Variants in PEAK3 observed in about 807,000 individuals in gnomAD.
PEAK3 encodes the protein PEAK family member 3.
Under a neutral mutation model 13.3 loss-of-function variants are expected in PEAK3, and 15 were observed. The ratio of observed to expected loss-of-function variants is 1.13; its 90% CI spans 0.75 to 1.73. The LOEUF is 1.73. Among genes scored for constraint, PEAK3 ranks in the 40% most tolerant of loss-of-function variants. The probability of loss-of-function intolerance (pLI) is 0.00; values close to 1 mark genes in which losing one functional copy is unlikely to be tolerated. For missense variants in PEAK3, 739 were observed against 690.2 expected (o/e 1.07, Z -0.79); for synonymous variants, 347 against 341.9 (o/e 1.01, Z -0.17).
At position 2,279,014 on chromosome 19, in the gene PEAK3, T is replaced by C. The variant is rs747667042; in HGVS notation, c.182A>G (p.Lys61Arg). The change falls in exon 3 of 4, where the codon AAG becomes AGG. Residue 61 changes from lysine (K) to arginine (R), a missense_variant. Coordinates refer to ENST00000342063, the MANE Select transcript of PEAK3 (RefSeq NM_198532.3). ...TGACTGGGTCCGGGTTAGGATCTTC[T>C]TGGGCAGGGGTGGGGGCAGGGGCTC... is the stretch of plus-strand genomic sequence containing the variant. Reference protein sequence around the residue: ...NPEPLPPPLPKKILTRTQSLP... With the variant: ...NPEPLPPPLPRKILTRTQSLP... The C allele has an allele frequency of 1.3e-6, 2 of 1,556,866 alleles. No homozygotes were observed. The highest frequency in any genetic ancestry group is 1.7e-6 in the Non-Finnish European group (2 of 1,145,118).
rs536255106 is a variant in PEAK3, at chr19:2,276,062, G to A, written c.1040C>T (p.Pro347Leu). Residue 347 changes from proline to leucine, a missense_variant, in exon 4 of 4, where the codon CCC becomes CTC. Pro to Leu is a moderately conservative substitution (Grantham distance 98). Transcript: ENST00000342063. ...QPPGPPGSPG[P>L]HAPQLGSLLR... is the part of the protein sequence containing the mutation. Reference sequence around the variant, plus strand: ...GAGGCTGCCCAGCTGCGGCGCGTGGGGGCCCGGGGATCCCGGGGGTCCAGG... The same window carrying A: ...GAGGCTGCCCAGCTGCGGCGCGTGGAGGCCCGGGGATCCCGGGGGTCCAGG... The A allele has an allele frequency of 6.2e-6, 9 of 1,453,760 alleles. No individual in the cohort carries two copies. The African/African-American group carries it at 8.8e-5, about 14-fold the overall frequency. The allele number at this position is 1,453,760 out of a possible 1,614,324, so 90.1% of individuals were successfully genotyped here.
Position 2,279,104 on chromosome 19 carries a change from C to T in PEAK3, c.92G>A (p.Arg31His), listed in dbSNP as rs912412078. ...GGCCTTGGAGGGCAGCAGGTGGGCA[C>T]GGATCTGACCTGCAGGGAGAGACAG... is the stretch of plus-strand genomic sequence containing the variant. The part of the protein sequence containing the change: ...QPTYSNLGQI[R>H]AHLLPSKACR... The change falls in exon 3 of 4, where the codon CGT becomes CAT. Residue 31 changes from arginine to histidine, a missense_variant. Arg to His is a conservative substitution (Grantham distance 29). Coordinates refer to ENST00000342063, the MANE Select transcript of PEAK3 (RefSeq NM_198532.3). The T allele has an allele frequency of 1.9e-5, 27 of 1,444,710 alleles. No homozygotes were observed. Among genetic ancestry groups the T allele is most frequent in the South Asian group, 4.4e-5 (3 of 67,582 alleles). The allele number at this position is 1,444,710 out of a possible 1,614,324, so 89.5% of individuals were successfully genotyped here.
chr19:2,279,176 C>G (rs1343005479), intron 2 of PEAK3, 63 bp from the exon 3 acceptor site: 5 of 1,291,240 alleles, frequency 3.9e-6, no homozygotes, highest in Non-Finnish European at 5.0e-6. Flanking sequence ...ACACGTGACT[C>G]CACCTCTCAG....
chr19:2,277,324 A>C (rs888044981), intron 3 of PEAK3, among the ~76,000 whole-genome samples: 2 of 151,928 alleles, frequency 1.3e-5, no homozygotes, highest in African/African-American at 4.8e-5. Flanking sequence ...TGGGATAACG[A>C]GTGAGTTCTC....
rs774880995 is a variant in PEAK3 at position 2,276,474 on chromosome 19, C to T, written c.628G>A (p.Ala210Thr). The stretch of plus-strand genomic sequence containing the variant: ...AGGCCCCACGGGTGGGGCACGTCCG[C>T]CCCGGGCTTGGGCACCTGCAAGGCA... ...ILVAKVPKPG[A>T]DVPHPWGLEL... The change falls in exon 4 of 4, where the codon GCG becomes ACG. Residue 210 changes from alanine (A) to threonine (T), a missense_variant. Coordinates refer to ENST00000342063, the MANE Select transcript of PEAK3 (RefSeq NM_198532.3). 6.5e-7 allele frequency: 1 copy of T among 1,545,218 alleles called. No homozygotes were observed. Among genetic ancestry groups the T allele is most frequent in the South Asian group, 1.2e-5 (1 of 84,482 alleles).
chr19:2,280,750 GGCAACCTCCTGCCGCTCCCT>G, intron 2 of PEAK3, 80 bp downstream of exon 2: 1 of 942,030 alleles, frequency 1.1e-6, no homozygotes, highest in South Asian at 1.5e-5. Context: ...CATGGTGCCC[GGCAACCTCCTGCCGCTCCCT>G]GCACCCACCT....
intron 3 of PEAK3, 51 bp from the exon 4 acceptor site, chr19:2,276,540 C>T (rs1035663199): frequency 5.6e-6 from 8 of 1,416,178 alleles, no homozygotes; most frequent in Admixed American, 2.7e-5. Context: ...CCCCCACAAG[C>T]ACCGCCTGCC....
At position 2,276,156 on chromosome 19, in the gene PEAK3, G is replaced by C; in HGVS notation, c.946C>G (p.Arg316Gly). The C allele has an allele frequency of 6.5e-7, 1 of 1,545,778 alleles. No individual in the cohort carries two copies. Residue 316 changes from arginine (R) to glycine (G), a missense_variant, in exon 4 of 4, where the codon CGG (arginine) becomes GGG (glycine). Coordinates refer to ENST00000342063, the MANE Select transcript of PEAK3 (RefSeq NM_198532.3). Reference sequence around the variant, plus strand: ...GGGGGCCCCGTCGTCGCACAGCCCCGAGGTGCCACCAGCAGCAAGTTCTCC... The same window carrying C: ...GGGGGCCCCGTCGTCGCACAGCCCCCAGGTGCCACCAGCAGCAAGTTCTCC... Reference protein sequence around the residue: ...RPENLLLVAPRGCATTGPPRL... With the variant: ...RPENLLLVAPGGCATTGPPRL...
intron 3 of PEAK3, among the ~76,000 whole-genome samples, 192 bp downstream of exon 3, chr19:2,278,392 C>G (rs34658798): frequency 0.18 from 22,472 of 128,140 alleles, 1,959 homozygotes; most frequent in East Asian, 0.44. Flanking sequence ...AACTCCTGAC[C>G]TCAGCTGATC....
Position 2,279,106 on chromosome 19 carries a change from G to C in PEAK3, c.90C>G (p.Ile30Met). 6.9e-7 allele frequency: 1 copy of C among 1,446,472 alleles called. No homozygotes were observed. Among genetic ancestry groups the C allele is most frequent in the East Asian group, 2.5e-5 (1 of 40,094 alleles). The allele number at this position is 1,446,472 out of a possible 1,614,324, so 89.6% of individuals were successfully genotyped here. The change falls in exon 3 of 4, where the codon ATC (isoleucine) becomes ATG (methionine). Residue 30 changes from isoleucine (I) to methionine (M), a missense_variant. By Grantham distance (10) the Ile-to-Met change is conservative. Transcript: ENST00000342063. ...TQPTYSNLGQ[I>M]RAHLLPSKAC... ...CCTTGGAGGGCAGCAGGTGGGCACG[G>C]ATCTGACCTGCAGGGAGAGACAGTG...
rs1229117582 is a variant in PEAK3, at chr19:2,276,362, C to A, written c.740G>T (p.Trp247Leu). The A allele has an allele frequency of 6.3e-7, 1 of 1,599,678 alleles. No individual in the cohort carries two copies. The highest frequency in any genetic ancestry group is 8.5e-7 in the Non-Finnish European group (1 of 1,178,854). ...VPEGTLPGAP[W>L]RGAVALAAEV... ...GGCTGCCAGCGCCACTGCGCCTCTC[C>A]AGGGCGCCCCGGGCAGTGTGCCTTC... Residue 247 changes from tryptophan (W) to leucine (L), a missense_variant, in exon 4 of 4, where the codon TGG becomes TTG. Coordinates refer to ENST00000342063, the MANE Select transcript of PEAK3 (RefSeq NM_198532.3).
intron 2 of PEAK3, 37 bp from the exon 3 acceptor site, chr19:2,279,150 G>A: frequency 2.9e-6 from 4 of 1,387,222 alleles, no homozygotes; most frequent in Non-Finnish European, 3.8e-6. Flanking sequence ...TTGAGGACAG[G>A]CGGAGTGGGA....
At chr19:2,276,796 C>T (rs1451503883) in intron 3 of PEAK3, among the ~76,000 whole-genome samples, 2 of 152,076 alleles carry the variant, frequency 1.3e-5, no homozygotes, top group Non-Finnish European at 2.9e-5. Context: ...AGGGGGATCG[C>T]TGAGGTCAGG....
chr19:2,279,002 G>T lies in PEAK3; in HGVS notation c.194C>A (p.Thr65Asn). 1.7e-5 allele frequency: 26 copies of T among 1,562,718 alleles called. No homozygotes were observed. The highest frequency in any genetic ancestry group is 2.3e-5 in the Non-Finnish European group (26 of 1,147,916). The change falls in exon 3 of 4, where the codon ACC becomes AAC. Residue 65 changes from threonine to asparagine, a missense_variant. Thr to Asn is a moderately conservative substitution (Grantham distance 65). Coordinates refer to ENST00000342063, the MANE Select transcript of PEAK3 (RefSeq NM_198532.3). ...GCGGGTGGGCAGTGACTGGGTCCGG[G>T]TTAGGATCTTCTTGGGCAGGGGTGG... ...LPPPLPKKILTRTQSLPTRRT... is the reference protein window; with the variant it reads ...LPPPLPKKILNRTQSLPTRRT...
intron 3 of PEAK3, among the ~76,000 whole-genome samples, chr19:2,277,773 G>T (rs925599753): frequency 6.6e-6 from 1 of 151,456 alleles, no homozygotes; most frequent in Admixed American, 6.6e-5. Flanking sequence ...CACTATGTTG[G>T]CCAGGCTGGT....
Position 2,275,647 on chromosome 19 carries a change from G to T in PEAK3, c.*33C>A, listed in dbSNP as rs2025377809. On this transcript the variant is annotated 3_prime_UTR_variant, in exon 4 of 4. Coordinates refer to ENST00000342063, the MANE Select transcript of PEAK3 (RefSeq NM_198532.3). ...AGCCCCAGCCCTGCCTCCTGGGCAG[G>T]CCTGGACCAGGTGTGTTCGCCCTGG... 1 of 1,398,274 alleles carries T rather than the reference G, an allele frequency of 7.2e-7. No homozygotes were observed. The highest frequency in any genetic ancestry group is 2.9e-5 in the East Asian group (1 of 34,278). The allele number at this position is 1,398,274 out of a possible 1,614,324, so 86.6% of individuals were successfully genotyped here.
Position 2,275,641 on chromosome 19 carries a change from G to A in PEAK3, c.*39C>T. 2.2e-6 allele frequency: 3 copies of A among 1,375,514 alleles called. No homozygotes were observed. The highest frequency in any genetic ancestry group is 2.8e-6 in the Non-Finnish European group (3 of 1,057,894). 85.2% of individuals were successfully genotyped at this position (1,375,514 alleles called of 1,614,324 possible). ...GACCTCAGCCCCAGCCCTGCCTCCT[G>A]GGCAGGCCTGGACCAGGTGTGTTCG... On this transcript the variant is annotated 3_prime_UTR_variant, in exon 4 of 4. Coordinates refer to ENST00000342063, the MANE Select transcript of PEAK3 (RefSeq NM_198532.3).
In PEAK3 at chr19:2,276,294, A is replaced by G. The variant is rs1233853560; in HGVS notation, c.808T>C (p.Cys270Arg). 6.3e-7 allele frequency: 1 copy of G among 1,592,142 alleles called. No individual in the cohort carries two copies. The highest frequency in any genetic ancestry group is 2.3e-5 in the East Asian group (1 of 44,058). Residue 270 changes from cysteine (C) to arginine (R), a missense_variant, in exon 4 of 4, where the codon TGC becomes CGC. Physicochemically the swap from Cys to Arg is radical, Grantham distance 180. Transcript: ENST00000342063. ...RTVAQWLAEA[C>R]TQPPEEFVWA... ...ACGAACTCCTCCGGCGGCTGCGTGC[A>G]GGCCTCCGCCAGCCACTGCGCCACC...
rs754228005 is a variant in PEAK3 at position 2,275,974 on chromosome 19, G to A, written c.1128C>T (p.Leu376=). 6.4e-6 allele frequency: 9 copies of A among 1,416,644 alleles called. No individual in the cohort carries two copies. In the East Asian group the frequency reaches 2.4e-4, roughly 37 times the overall value. The allele number at this position is 1,416,644 out of a possible 1,614,324, so 87.8% of individuals were successfully genotyped here. The part of the protein sequence containing the change: ...STTPLAAGLE[L]LAAQLTRLRP... ...GCAAGCGGGTCAGCTGTGCTGCCAG[G>A]AGCTCCAGGCCCGCGGCCAAAGGCG... Residue 376 remains leucine, a synonymous_variant, in exon 4 of 4, where the codon CTC becomes CTT. Coordinates refer to ENST00000342063, the MANE Select transcript of PEAK3 (RefSeq NM_198532.3).
Sources: allele counts gnomAD v4.1 joint callset (sites outside exome capture counted in the v4.1 genomes callset), GRCh38; gene constraint gnomAD v4.1.1; transcripts MANE v1.5; gene names NCBI Gene and HGNC (gene_info 2026-07-23, HGNC 2026-07-21).